The following ITGAE variants were observed in gnomAD, a reference collection of about 807,000 sequenced individuals.
ITGAE encodes integrin subunit alpha E, also known as integrin alpha-E.
A neutral mutation model predicts 136.5 loss-of-function variants in ITGAE; 99 were observed. That is an observed-to-expected ratio of 0.73 (90% CI 0.62 to 0.86). ITGAE has a LOEUF of 0.86. ITGAE is among the 40% of genes least tolerant of loss of function. The pLI is 0.00. For missense variants in ITGAE, 1,447 were observed against 1,515.3 expected (o/e 0.95, Z 0.75); for synonymous variants, 613 against 591.8 (o/e 1.04, Z -0.52).
chr17:3,753,323 T>G lies in ITGAE; in HGVS notation c.1635A>C (p.Glu545Asp), dbSNP rs867351081. Residue 545 changes from glutamate to aspartate, a missense_variant, in exon 14 of 31, where the codon GAA becomes GAC. Glu to Asp is a conservative substitution (Grantham distance 45). Transcript: ENST00000263087. ...AAPFYHVHGE[E>D]GRVYVYRLSE... ...TGAGACGGTACACGTAGACTCTGCC[T>G]TCTTCTCCATGAACGTGGTAAAATG... The G allele has an allele frequency of 6.2e-7, 1 of 1,614,162 alleles. No individual in the cohort carries two copies. Among genetic ancestry groups the G allele is most frequent in the South Asian group, 1.1e-5 (1 of 91,084 alleles).
At chr17:3,716,935 A>G in intron 29 of ITGAE, 137 bp from the exon 30 acceptor site, 1 of 598,688 alleles carries the variant, frequency 1.7e-6, no homozygotes, top group Non-Finnish European at 3.0e-6. Context: ...CAGTAAAGCA[A>G]AAAGCTAGAT....
At chr17:3,771,476 A>G (rs774800383) in intron 2 of ITGAE, among the ~76,000 whole-genome samples, 24 of 150,718 alleles carry the variant, frequency 1.6e-4, no homozygotes, top group Admixed American at 2.0e-4. Context: ...CTGCTTACAC[A>G]GTGCTTCACT....
rs142450762 is a variant in ITGAE at position 3,760,185 on chromosome 17, T to C, written c.701A>G (p.Glu234Gly). ...AGGGAAGCCCACCTCAAAACACTTTTCATAGAAGTTCCTCATCATGTTGGA... is the reference window on the plus strand; with the variant it reads ...AGGGAAGCCCACCTCAAAACACTTTCCATAGAAGTTCCTCATCATGTTGGA... ...FISNMMRNFY[E>G]KCFECNFALV... The change falls in exon 7 of 31, where the codon GAA becomes GGA. Residue 234 changes from glutamate to glycine, a missense_variant. Coordinates refer to ENST00000263087, the MANE Select transcript of ITGAE (RefSeq NM_002208.5). 3 of 1,610,698 alleles carry C rather than the reference T, an allele frequency of 1.9e-6. No individual in the cohort carries two copies. The African/African-American group carries it at 4.0e-5, about 22-fold the overall frequency.
chr17:3,729,705 A>G (rs1441551592), intron 23 of ITGAE, 150 bp from the exon 24 acceptor site: 6 of 627,208 alleles, frequency 9.6e-6, no homozygotes, highest in Non-Finnish European at 1.5e-5. Flanking sequence ...AGCAATTCTC[A>G]TGCCTCAGCC....
Position 3,728,000 on chromosome 17 carries a change from T to G in ITGAE, c.3003A>C (p.Ala1001=), listed in dbSNP as rs763984403. The G allele has an allele frequency of 9.3e-6, 15 of 1,613,968 alleles. No homozygotes were observed. In the African/African-American group the frequency reaches 1.5e-4, roughly 16 times the overall value. ...FHVHGENLFG[A]EYQLQICVPT... is the part of the protein sequence containing the mutation. ...GGACGCAAATTTGCAACTGGTATTC[T>G]GCTCCAAAGAGGTTCTCCCCATGTA... Residue 1001 remains alanine (A), a synonymous_variant, in exon 26 of 31, where the codon GCA becomes GCC. Transcript: ENST00000263087.
At chr17:3,760,936 C>A (rs2052148790) in intron 6 of ITGAE, 77 bp downstream of exon 6, 2 of 1,528,394 alleles carry the variant, frequency 1.3e-6, no homozygotes, top group East Asian at 2.3e-5. Flanking sequence ...GACTGAGGCA[C>A]CCCTCACCCT....
chr17:3,759,736 C>T (rs568681614), intron 7 of ITGAE, among the ~76,000 whole-genome samples, 183 bp from the exon 8 acceptor site: 104 of 152,300 alleles, frequency 6.8e-4, no homozygotes, highest in African/African-American at 2.4e-3. Context: ...ATAGTAAAGG[C>T]CCCCAGTGAA....
chr17:3,737,531 C>T (rs759004192), intron 20 of ITGAE, among the ~76,000 whole-genome samples: 1 of 151,684 alleles, frequency 6.6e-6, no homozygotes, highest in Non-Finnish European at 1.5e-5. Flanking sequence ...GAAGAAGATG[C>T]GTTCAATCGG....
chr17:3,727,839 T>C (rs2051249883), intron 26 of ITGAE, 80 bp downstream of exon 26: 1 of 926,660 alleles, frequency 1.1e-6, no homozygotes, highest in Non-Finnish European at 1.8e-6. Flanking sequence ...ACTCTGTTTC[T>C]AGAACTCTGG....
intron 1 of ITGAE, among the ~76,000 whole-genome samples, chr17:3,782,340 A>AGTGTGTGT (rs151134975): frequency 0.011 from 1,258 of 109,572 alleles, 17 homozygotes; most frequent in African/African-American, 0.035. Context: ...TTAAATCTCT[A>AGTGTGTGT]GTGTGTGTGT....
chr17:3,781,565 C>G (rs965139614), intron 1 of ITGAE, among the ~76,000 whole-genome samples: 1 of 152,084 alleles, frequency 6.6e-6, no homozygotes, highest in African/African-American at 2.4e-5. Flanking sequence ...CCACGTTGGC[C>G]AGGATGGTCT....
rs117546190 is a variant in ITGAE at position 3,738,181 on chromosome 17, C to A, written c.2522+1624G>T. ...TTGTTTTGTTTTGTTACCCTCCCCC[C>A]CTCCCCGTTTTTGGAGTCTTGCTCT... On this transcript the variant is annotated intron_variant, in intron 20 of 30. Transcript: ENST00000263087. Among the ~76,000 whole-genome samples, 90 of 152,028 alleles carry A rather than the reference C, an allele frequency of 5.9e-4. 1 individual carries two copies. Among genetic ancestry groups the A allele is most frequent in the South Asian group, 3.1e-3 (15 of 4,796 alleles).
At chr17:3,757,941 G>A (rs2052070479) in intron 8 of ITGAE, 82 bp from the exon 9 acceptor site, 4 of 1,495,410 alleles carry the variant, frequency 2.7e-6, no homozygotes, top group Non-Finnish European at 3.7e-6. Context: ...TCTCTGACCT[G>A]TATTAGAATT....
intron 1 of ITGAE, 79 bp downstream of exon 1, chr17:3,801,032 G>A (rs550255169): frequency 4.6e-6 from 7 of 1,508,512 alleles, no homozygotes; most frequent in Admixed American, 3.3e-5. Flanking sequence ...GAGACAGACA[G>A]TCAAGGCTGT....
rs185898388 is a variant in ITGAE at position 3,795,664 on chromosome 17, C to T, written c.34+5447G>A. Among the ~76,000 whole-genome samples, 768 of 152,368 alleles carry T rather than the reference C, an allele frequency of 5.0e-3. 8 individuals carry two copies. Among genetic ancestry groups the T allele is most frequent in the African/African-American group, 0.017 (727 of 41,590 alleles). ...TGGCCTCAAGAAGCTGGGCACTGCTCCTGCCGTGCGGCGGCTCACTGAGCT... is the reference window on the plus strand; with the variant it reads ...TGGCCTCAAGAAGCTGGGCACTGCTTCTGCCGTGCGGCGGCTCACTGAGCT... On this transcript the variant is annotated intron_variant, in intron 1 of 30. Coordinates refer to ENST00000263087, the MANE Select transcript of ITGAE (RefSeq NM_002208.5).
rs970153405 is a variant in ITGAE, at chr17:3,799,500, C to T, written c.34+1611G>A. 2.0e-5 allele frequency among the ~76,000 whole-genome samples: 3 copies of T among 152,100 alleles called. No individual in the cohort carries two copies. Among genetic ancestry groups the T allele is most frequent in the Admixed American group, 6.5e-5 (1 of 15,274 alleles). On this transcript the variant is annotated intron_variant, in intron 1 of 30. Transcript: ENST00000263087. The surrounding 1 kb of genome is among the most constrained non-coding windows in gnomAD (Gnocchi z 4.1). ...TCAGAGGCTAAAGGAGACAGATGAG[C>T]CACAGGAGTATTCTGGAGCTGGGAG...
intron 28 of ITGAE, chr17:3,722,481 A>C (rs76888885): frequency 8.7e-6 from 1 of 115,500 alleles, no homozygotes; most frequent in Non-Finnish European, 1.5e-5. Flanking sequence ...ACTCCATCTA[A>C]AAAAAAAAAA....
intron 11 of ITGAE, 24 bp downstream of exon 11, chr17:3,755,806 C>T (rs774614744): frequency 5.3e-5 from 83 of 1,572,098 alleles, no homozygotes; most frequent in Non-Finnish European, 6.8e-5. Flanking sequence ...GGCAAGCCTG[C>T]CTGGTGCTGA....
chr17:3,721,669 G>C (rs1299845742), intron 28 of ITGAE: 2 of 152,102 alleles, frequency 1.3e-5, no homozygotes, highest in African/African-American at 4.8e-5. Flanking sequence ...ATGTCACCTG[G>C]ATCACTGTAA....
Sources: allele counts gnomAD v4.1 joint callset (sites outside exome capture counted in the v4.1 genomes callset), GRCh38; gene constraint gnomAD v4.1.1; non-coding constraint Gnocchi (gnomAD v3.1); transcripts MANE v1.5; gene names NCBI Gene and HGNC (gene_info 2026-07-23, HGNC 2026-07-21).